Variants in OCA2 observed in about 807,000 individuals in gnomAD.
The protein encoded by OCA2 is P protein.
OCA2 carries 77 observed loss-of-function variants against 100.2 expected under a neutral mutation model. The ratio of observed to expected loss-of-function variants is 0.77; its 90% CI spans 0.64 to 0.93. OCA2 has a LOEUF of 0.93. Ranked by LOEUF, OCA2 falls within the 40% of genes least tolerant of loss-of-function variation. The pLI is 0.00. For synonymous variants in OCA2, 432 were observed against 439.2 expected (o/e 0.98, Z 0.21); for missense variants, 1,062 against 1,089.1 (o/e 0.98, Z 0.35).
chr15:28,072,930 CA>C (rs1180152177), intron 2 of OCA2, among the ~76,000 whole-genome samples: 1 of 152,206 alleles, frequency 6.6e-6, no homozygotes, highest in Non-Finnish European at 1.5e-5. Flanking sequence ...ACCATTAAAC[CA>C]AGCAATCCCA....
intron 22 of OCA2, among the ~76,000 whole-genome samples, chr15:27,846,968 A>G (rs2035559787): frequency 6.6e-6 from 1 of 152,126 alleles, no homozygotes; most frequent in Non-Finnish European, 1.5e-5. Context: ...CAGACATCAG[A>G]CATCCACCCA....
At chr15:28,019,021 G>T (rs77516282) in intron 6 of OCA2, among the ~76,000 whole-genome samples, 4,274 of 152,304 alleles carry the variant, frequency 0.028, 81 homozygotes, top group Non-Finnish European at 0.043. Flanking sequence ...ACATGAGTAT[G>T]CCTTTTTCTT....
chr15:27,762,247 A>G (rs1448520827), intron 23 of OCA2, among the ~76,000 whole-genome samples: 1 of 151,998 alleles, frequency 6.6e-6, no homozygotes, highest in Non-Finnish European at 1.5e-5. Context: ...TCCATGTGAG[A>G]CAGAGTAGAC....
intron 19 of OCA2, among the ~76,000 whole-genome samples, chr15:27,924,532 G>A (rs1388753272): frequency 6.6e-6 from 1 of 152,044 alleles, no homozygotes; most frequent in Non-Finnish European, 1.5e-5. Flanking sequence ...ACAAACAAGG[G>A]AGGACAAATG....
At chr15:27,992,776 T>C (rs2041597701) in intron 9 of OCA2, among the ~76,000 whole-genome samples, 1 of 152,222 alleles carries the variant, frequency 6.6e-6, no homozygotes, top group Non-Finnish European at 1.5e-5. Context: ...TCCTTTCTTC[T>C]GGCTTAACCT....
In OCA2 at chr15:27,851,439, C is replaced by G; in HGVS notation, c.2281G>C (p.Val761Leu). ...ATGAGCGGCGGTGCGGGCAGGCCAA[C>G]CTCAGGGTCGTGGCTCAGGTTCAGG... ...VLLNLSHDPE[V>L]GLPAPPLMYA... The change falls in exon 22 of 24, where the codon GTT becomes CTT. Residue 761 changes from valine (V) to leucine (L), a missense_variant. Coordinates refer to ENST00000354638, the MANE Select transcript of OCA2 (RefSeq NM_000275.3). 1 of 1,613,954 alleles carries G rather than the reference C, an allele frequency of 6.2e-7. No homozygotes were observed. The highest frequency in any genetic ancestry group is 1.1e-5 in the South Asian group (1 of 90,984).
chr15:27,984,128 T>G (rs2041263022), intron 13 of OCA2, among the ~76,000 whole-genome samples: 1 of 152,010 alleles, frequency 6.6e-6, no homozygotes, highest in African/African-American at 2.4e-5. Context: ...AGTTATTCTC[T>G]TCTAGCTATC....
intron 23 of OCA2, among the ~76,000 whole-genome samples, chr15:27,802,015 T>A (rs545289583): frequency 1.1e-3 from 174 of 152,168 alleles, no homozygotes; most frequent in African/African-American, 4.1e-3. Context: ...ACATATAGAT[T>A]AGAAAGGATG....
chr15:27,818,933 C>T (rs375707040), intron 23 of OCA2, among the ~76,000 whole-genome samples: 2 of 152,154 alleles, frequency 1.3e-5, no homozygotes, highest in African/African-American at 4.8e-5. Context: ...GTGCAGGTGT[C>T]GCCAGACCCA....
intron 23 of OCA2, among the ~76,000 whole-genome samples, chr15:27,791,824 A>AC (rs1208675818): frequency 2.0e-5 from 3 of 152,194 alleles, no homozygotes; most frequent in Non-Finnish European, 4.4e-5. Flanking sequence ...AGAAAAAGTT[A>AC]AAGATTCTTT....
At chr15:28,054,493 G>A (rs574063128) in intron 2 of OCA2, among the ~76,000 whole-genome samples, 1 of 152,238 alleles carries the variant, frequency 6.6e-6, no homozygotes, top group African/African-American at 2.4e-5. Flanking sequence ...ATCTTGACTG[G>A]CTCCAGAGCC....
intron 18 of OCA2, among the ~76,000 whole-genome samples, chr15:27,927,860 C>G (rs905491557): frequency 1.7e-4 from 24 of 138,790 alleles, no homozygotes; most frequent in Non-Finnish European, 9.1e-5. Flanking sequence ...GGTGCAATCT[C>G]AGCTCACTGC....
chr15:28,000,796 G>T (rs1489921584), intron 9 of OCA2, among the ~76,000 whole-genome samples: 2 of 152,064 alleles, frequency 1.3e-5, no homozygotes, highest in Admixed American at 1.3e-4. Flanking sequence ...CAAAAAATGG[G>T]CAAAGGATAA....
At chr15:27,822,988 T>C (rs1000038625) in intron 23 of OCA2, among the ~76,000 whole-genome samples, 1 of 152,246 alleles carries the variant, frequency 6.6e-6, no homozygotes, top group African/African-American at 2.4e-5. Context: ...ACATTTTGCT[T>C]TTCACATTTA....
At chr15:27,817,421 A>G (rs1198334121) in intron 23 of OCA2, among the ~76,000 whole-genome samples, 1 of 152,210 alleles carries the variant, frequency 6.6e-6, no homozygotes, top group Non-Finnish European at 1.5e-5. Context: ...CAACTTGAAC[A>G]TTATGAAATG....
chr15:27,994,466 C>T (rs1316746345), intron 9 of OCA2, among the ~76,000 whole-genome samples: 1 of 152,166 alleles, frequency 6.6e-6, no homozygotes, highest in African/African-American at 2.4e-5. Context: ...CACACCTCTT[C>T]CTACACCCAA....
intron 9 of OCA2, among the ~76,000 whole-genome samples, chr15:28,004,307 T>C (rs1434871829): frequency 1.3e-5 from 2 of 151,140 alleles, no homozygotes; most frequent in East Asian, 3.9e-4. Flanking sequence ...CGTGGTGTGC[T>C]GCATTGTCCC....
At chr15:27,729,981 C>T in the OCA2 span, among the ~76,000 whole-genome samples, 1 of 152,190 alleles carries the variant, frequency 6.6e-6, no homozygotes, top group Non-Finnish European at 1.5e-5. Flanking sequence ...AACTCTCTGA[C>T]AACAACTAGG....
chr15:27,869,899 G>A (rs1259026763), intron 21 of OCA2, among the ~76,000 whole-genome samples: 1 of 152,178 alleles, frequency 6.6e-6, no homozygotes, highest in African/African-American at 2.4e-5. Flanking sequence ...CCACAGCCGG[G>A]ACATTTGACA....
Sources: allele counts gnomAD v4.1 joint callset (sites outside exome capture counted in the v4.1 genomes callset), GRCh38; gene constraint gnomAD v4.1.1; transcripts MANE v1.5; gene names NCBI Gene and HGNC (gene_info 2026-07-23, HGNC 2026-07-21).